The following CSMD1 variants were observed in gnomAD, a reference collection of about 807,000 sequenced individuals.
CSMD1 encodes CUB and Sushi multiple domains 1, also known as CUB and sushi domain-containing protein 1.
CSMD1 carries 213 observed loss-of-function variants against 417.5 expected under a neutral mutation model. The ratio of observed to expected loss-of-function variants is 0.51; its 90% CI spans 0.46 to 0.57. The LOEUF is 0.57. Among genes scored for constraint, CSMD1 ranks in the 20% least tolerant of loss-of-function variants. The pLI is 0.00. For synonymous variants in CSMD1, 2,862 were observed against 1,736.8 expected (o/e 1.65, Z -16.11); for missense variants, 6,923 against 4,529.7 (o/e 1.53, Z -15.17).
intron 6 of CSMD1, among the ~76,000 whole-genome samples, chr8:3,709,392 AG>A (rs1472297557): frequency 6.6e-6 from 1 of 152,044 alleles, no homozygotes; most frequent in African/African-American, 2.4e-5. Context: ...CTTGCCTCTG[AG>A]CCTGTGACTC....
intron 10 of CSMD1, among the ~76,000 whole-genome samples, chr8:3,557,539 G>C (rs1176056630): frequency 6.6e-6 from 1 of 152,194 alleles, no homozygotes; most frequent in Non-Finnish European, 1.5e-5. Flanking sequence ...TCTTTAAAAA[G>C]AGGCACAGTG....
At chr8:3,610,588 T>C (rs1428550048) in intron 8 of CSMD1, among the ~76,000 whole-genome samples, 1 of 152,208 alleles carries the variant, frequency 6.6e-6, no homozygotes, top group Non-Finnish European at 1.5e-5. Flanking sequence ...GTACATCAGA[T>C]GCCCATGATC....
chr8:3,849,192 A>G (rs563101175), intron 5 of CSMD1, among the ~76,000 whole-genome samples: 1 of 152,194 alleles, frequency 6.6e-6, no homozygotes, highest in Admixed American at 6.5e-5. Context: ...TGAATGAAAA[A>G]TCAACCTGGG....
intron 51 of CSMD1, 91 bp from the exon 52 acceptor site, chr8:3,018,741 C>T (rs560388779): frequency 2.4e-6 from 3 of 1,228,508 alleles, no homozygotes; most frequent in Non-Finnish European, 3.4e-6. Context: ...ACAAAAAAAA[C>T]CAAAAAACTA....
intron 1 of CSMD1, among the ~76,000 whole-genome samples, chr8:4,836,269 G>C (rs973790003): frequency 2.6e-5 from 4 of 152,130 alleles, no homozygotes; most frequent in Non-Finnish European, 5.9e-5. Flanking sequence ...ATAACGTGAA[G>C]ACTAATTTTC....
chr8:4,454,872 T>C (rs973632476), intron 2 of CSMD1, among the ~76,000 whole-genome samples: 2 of 152,176 alleles, frequency 1.3e-5, no homozygotes, highest in Non-Finnish European at 2.9e-5. Context: ...AAACTTAATC[T>C]AAATGGCGTC....
chr8:4,242,119 A>G (rs968999343), intron 3 of CSMD1, among the ~76,000 whole-genome samples: 1 of 152,208 alleles, frequency 6.6e-6, no homozygotes, highest in Non-Finnish European at 1.5e-5. Flanking sequence ...AGAATGCTCT[A>G]AGAATTATAT....
chr8:3,994,490 T>C (rs990828668), intron 5 of CSMD1, among the ~76,000 whole-genome samples: 30 of 144,886 alleles, frequency 2.1e-4, no homozygotes, highest in African/African-American at 7.6e-4. Context: ...GTCTCACCAC[T>C]ACACAAATCC....
rs1214381577 is a variant in CSMD1, at chr8:4,551,139, A to C, written c.302+86203T>G. ...AAGAGACACTGACCTGGGTCTGGCAACATCTATGTGGAGATCCTGTGTATC... is the reference window on the plus strand; with the variant it reads ...AAGAGACACTGACCTGGGTCTGGCACCATCTATGTGGAGATCCTGTGTATC... On this transcript the variant is annotated intron_variant, in intron 2 of 69. Coordinates refer to ENST00000635120, the MANE Select transcript of CSMD1 (RefSeq NM_033225.6). 2.0e-5 allele frequency among the ~76,000 whole-genome samples: 3 copies of C among 152,348 alleles called. No homozygotes were observed. The South Asian group carries it at 6.2e-4, about 32-fold the overall frequency.
At chr8:4,973,017 TA>T (rs1810333904) in intron 1 of CSMD1, among the ~76,000 whole-genome samples, 1 of 152,178 alleles carries the variant, frequency 6.6e-6, no homozygotes, top group South Asian at 2.1e-4. Flanking sequence ...TTTTATATTT[TA>T]TATATTTTAA....
chr8:4,891,997 T>A (rs993898183), intron 1 of CSMD1, among the ~76,000 whole-genome samples: 1 of 152,026 alleles, frequency 6.6e-6, no homozygotes, highest in Non-Finnish European at 1.5e-5. Context: ...AAAATAGCTC[T>A]TAAACACTGT....
chr8:3,419,789 C>G (rs1009781199), intron 12 of CSMD1, among the ~76,000 whole-genome samples: 2 of 152,154 alleles, frequency 1.3e-5, no homozygotes, highest in Non-Finnish European at 2.9e-5. Flanking sequence ...TTCATCAATA[C>G]AGTTTTGCAT....
At chr8:3,460,612 A>G (rs1816438478) in intron 12 of CSMD1, among the ~76,000 whole-genome samples, 1 of 152,186 alleles carries the variant, frequency 6.6e-6, no homozygotes, top group African/African-American at 2.4e-5. Context: ...GAGAATGAAG[A>G]TAAACAGGAG....
At chr8:3,560,994 T>C (rs1468113614) in intron 10 of CSMD1, among the ~76,000 whole-genome samples, 1 of 152,148 alleles carries the variant, frequency 6.6e-6, no homozygotes, top group Non-Finnish European at 1.5e-5. Context: ...TGACCACTCA[T>C]TATTTAACAG....
chr8:3,524,230 TAC>T (rs888179976), intron 10 of CSMD1, among the ~76,000 whole-genome samples: 6 of 117,250 alleles, frequency 5.1e-5, no homozygotes, highest in African/African-American at 1.7e-4. Flanking sequence ...TGCACACACA[TAC>T]ACACATACAC....
At chr8:3,547,773 T>C (rs1382146957) in intron 10 of CSMD1, among the ~76,000 whole-genome samples, 1 of 152,216 alleles carries the variant, frequency 6.6e-6, no homozygotes, top group African/African-American at 2.4e-5. Flanking sequence ...GTTGTGTTTT[T>C]CTTGTTGCTC....
chr8:3,316,362 G>A (rs777251136), intron 23 of CSMD1, among the ~76,000 whole-genome samples: 32 of 152,150 alleles, frequency 2.1e-4, no homozygotes, highest in Non-Finnish European at 3.5e-4. Flanking sequence ...CTTTTTTGGG[G>A]CATGGTGGGA....
At chr8:4,027,331 C>A (rs752871054) in intron 4 of CSMD1, among the ~76,000 whole-genome samples, 1 of 152,156 alleles carries the variant, frequency 6.6e-6, no homozygotes, top group Non-Finnish European at 1.5e-5. Flanking sequence ...TATGCTTTGG[C>A]TGTGTCCTCA....
At position 4,708,102 on chromosome 8, in the gene CSMD1, C is replaced by G. The variant is rs533437723; in HGVS notation, c.86-70544G>C. 2.7e-5 allele frequency among the ~76,000 whole-genome samples: 4 copies of G among 148,638 alleles called. No individual in the cohort carries two copies. The East Asian group carries it at 7.9e-4, about 30-fold the overall frequency. On this transcript the variant is annotated intron_variant, in intron 1 of 69. Coordinates refer to ENST00000635120, the MANE Select transcript of CSMD1 (RefSeq NM_033225.6). Reference sequence around the variant, plus strand: ...GGGAGAACAGGCATCTGCCAATACACTGGCTAATTTTTTGTATTTTTTTTT... The same window carrying G: ...GGGAGAACAGGCATCTGCCAATACAGTGGCTAATTTTTTGTATTTTTTTTT...
Sources: gnomAD v4.1 joint callset for allele counts (sites outside exome capture counted in the v4.1 genomes callset) on GRCh38, gnomAD v4.1.1 for gene constraint, MANE v1.5 for transcripts, NCBI Gene and HGNC (gene_info 2026-07-23, HGNC 2026-07-21) for gene names.